Variants in DLGAP1 observed in about 807,000 individuals in gnomAD.
The protein encoded by DLGAP1 is disks large-associated protein 1.
DLGAP1 carries 11 observed loss-of-function variants against 90.8 expected under a neutral mutation model. The observed-to-expected ratio is 0.12, with a 90% CI of 0.08 to 0.20. The LOEUF is 0.20. DLGAP1 is among the 10% of genes least tolerant of loss of function. The pLI is 1.00. For missense variants in DLGAP1, 1,050 were observed against 1,333.8 expected (o/e 0.79, Z 3.31); for synonymous variants, 558 against 540.7 (o/e 1.03, Z -0.44).
chr18:3,501,965 A>C (rs1003192063), intron 12 of DLGAP1, among the ~76,000 whole-genome samples: 2 of 151,976 alleles, frequency 1.3e-5, no homozygotes, highest in African/African-American at 2.4e-5. Context: ...AAAAAAAAAA[A>C]AAAACCCAAC....
chr18:4,203,903 A>G (rs2077662405), intron 1 of DLGAP1, among the ~76,000 whole-genome samples: 2 of 152,242 alleles, frequency 1.3e-5, no homozygotes, highest in African/African-American at 4.8e-5. Flanking sequence ...GAGGTCAGAA[A>G]GAACTCAGAA....
chr18:4,067,087 A>G (rs1286061645), intron 2 of DLGAP1, among the ~76,000 whole-genome samples: 1 of 152,162 alleles, frequency 6.6e-6, no homozygotes, highest in African/African-American at 2.4e-5. Flanking sequence ...AGAAAACCAA[A>G]TACCACATGC....
At chr18:3,971,234 C>T (rs894022221) in intron 3 of DLGAP1, among the ~76,000 whole-genome samples, 1 of 152,124 alleles carries the variant, frequency 6.6e-6, no homozygotes, top group Admixed American at 6.5e-5. Context: ...AATTGTTGAC[C>T]AGTTTGTGAT....
chr18:3,501,345 G>T (rs896859927), intron 12 of DLGAP1, among the ~76,000 whole-genome samples: 1 of 152,094 alleles, frequency 6.6e-6, no homozygotes, highest in Non-Finnish European at 1.5e-5. Context: ...CTAGCAGATA[G>T]TTTTAAACAC....
intron 1 of DLGAP1, chr18:4,281,121 A>G (rs900277511): frequency 5.9e-5 from 9 of 152,176 alleles, no homozygotes; most frequent in African/African-American, 2.2e-4. Context: ...GTAAAGTAAT[A>G]CTTGTTGAGT....
chr18:4,134,764 G>A (rs2076372967), intron 2 of DLGAP1, among the ~76,000 whole-genome samples: 1 of 152,060 alleles, frequency 6.6e-6, no homozygotes, highest in Admixed American at 6.6e-5. Context: ...CCTTTTATTA[G>A]GAAAGCTGCC....
intron 1 of DLGAP1, among the ~76,000 whole-genome samples, chr18:4,376,675 A>C (rs1470667011): frequency 6.6e-6 from 1 of 152,208 alleles, no homozygotes; most frequent in African/African-American, 2.4e-5. Flanking sequence ...TCTTGTAAGA[A>C]AGTCAGGGTG....
At chr18:3,928,094 T>G (rs1174741788) in intron 3 of DLGAP1, among the ~76,000 whole-genome samples, 2 of 152,200 alleles carry the variant, frequency 1.3e-5, no homozygotes, top group Admixed American at 1.3e-4. Flanking sequence ...CCGCTCGCCA[T>G]CCACACACAC....
At chr18:4,210,548 CTTGA>C (rs1242182837) in intron 1 of DLGAP1, among the ~76,000 whole-genome samples, 1 of 152,066 alleles carries the variant, frequency 6.6e-6, no homozygotes, top group African/African-American at 2.4e-5. Context: ...TTCTTACTGC[CTTGA>C]TTGATTCAAT....
At chr18:4,252,971 C>G (rs1200212697) in intron 1 of DLGAP1, among the ~76,000 whole-genome samples, 5 of 152,180 alleles carry the variant, frequency 3.3e-5, no homozygotes, top group Non-Finnish European at 1.5e-5. Context: ...AGTACCATAT[C>G]AGCTAAAGAT....
rs368038594 is a variant in DLGAP1, at chr18:3,551,650, C to CTT, written c.2057+15839_2057+15840insAA. On this transcript the variant is annotated intron_variant, in intron 9 of 12. Transcript: ENST00000315677. ...TTCTTTCTTTCCTTCCTTTCTCTCTCTCTTTGTCTCTTTCCTTCTTTCTTT... is the reference window on the plus strand; with the variant it reads ...TTCTTTCTTTCCTTCCTTTCTCTCTCTTTCTTTGTCTCTTTCCTTCTTTCTTT... Among the ~76,000 whole-genome samples, 163 of 75,018 alleles carry CTT rather than the reference C, an allele frequency of 2.2e-3. 24 individuals carry two copies. The highest frequency in any genetic ancestry group is 6.8e-3 in the Middle Eastern group (1 of 146). The allele number at this position is 75,018 out of a possible 152,430, so 49.2% of individuals were successfully genotyped here.
chr18:3,824,069 C>G (rs148137132), intron 4 of DLGAP1, among the ~76,000 whole-genome samples: 2 of 148,556 alleles, frequency 1.3e-5, no homozygotes, highest in Admixed American at 6.8e-5. Flanking sequence ...TTTAAGATAA[C>G]TTCATTTTCT....
intron 6 of DLGAP1, among the ~76,000 whole-genome samples, chr18:3,740,362 A>G (rs908046013): frequency 9.9e-5 from 15 of 152,196 alleles, no homozygotes; most frequent in African/African-American, 3.6e-4. Context: ...GATAATGTAT[A>G]TCATTGGACA....
At chr18:4,191,272 T>A (rs920600796) in intron 1 of DLGAP1, among the ~76,000 whole-genome samples, 7 of 152,278 alleles carry the variant, frequency 4.6e-5, no homozygotes, top group Non-Finnish European at 1.5e-5. Context: ...TCTATAAGTA[T>A]AAGCATATTT....
At chr18:3,993,131 A>T (rs1238115311) in intron 3 of DLGAP1, 1 of 151,284 alleles carries the variant, frequency 6.6e-6, no homozygotes, top group African/African-American at 2.4e-5. Context: ...GCAGATGAGG[A>T]GACAAAACCT....
intron 10 of DLGAP1, among the ~76,000 whole-genome samples, chr18:3,516,037 TCTTG>T (rs2050826652): frequency 6.6e-6 from 1 of 152,158 alleles, no homozygotes; most frequent in Non-Finnish European, 1.5e-5. Context: ...ATTCTAGTTC[TCTTG>T]CACTTTTTAC....
intron 7 of DLGAP1, among the ~76,000 whole-genome samples, chr18:3,705,982 ATTT>A (rs71368704): frequency 7.9e-6 from 1 of 127,284 alleles, no homozygotes; most frequent in Non-Finnish European, 1.6e-5. Flanking sequence ...TTAATGGTGC[ATTT>A]TTTTTTTTTT....
chr18:3,954,087 T>C (rs1334330225), intron 3 of DLGAP1, among the ~76,000 whole-genome samples: 1 of 152,208 alleles, frequency 6.6e-6, no homozygotes, highest in Admixed American at 6.5e-5. Flanking sequence ...GGGTTTTCTC[T>C]TAATATATAA....
intron 2 of DLGAP1, among the ~76,000 whole-genome samples, chr18:4,008,982 C>T (rs568153273): frequency 6.6e-6 from 1 of 152,160 alleles, no homozygotes; most frequent in African/African-American, 2.4e-5. Context: ...CGGCTCACTG[C>T]AAGCTCTGCC....
Sources: allele counts gnomAD v4.1 joint callset (sites outside exome capture counted in the v4.1 genomes callset), GRCh38; gene constraint gnomAD v4.1.1; transcripts MANE v1.5; gene names NCBI Gene and HGNC (gene_info 2026-07-23, HGNC 2026-07-21).